The following ANK2 variants were observed in gnomAD, a reference collection of about 807,000 sequenced individuals.
ANK2 encodes the protein ankyrin 2, also known as ankyrin-2.
In ANK2, 83 loss-of-function variants were observed where a neutral mutation model predicts 360.5. That is an observed-to-expected ratio of 0.23 (90% CI 0.19 to 0.28). ANK2 has a LOEUF of 0.28. ANK2 is among the 10% of genes least tolerant of loss of function. ANK2 has a pLI of 1.00. For missense variants in ANK2, 4,201 were observed against 4,795.7 expected, an observed-to-expected ratio of 0.88 and a Z score of 3.66; for synonymous variants, 1,740 against 1,759.5, an observed-to-expected ratio of 0.99 and a Z score of 0.28.
intron 1 of ANK2, among the ~76,000 whole-genome samples, chr4:113,105,368 C>A (rs2093484140): frequency 6.6e-6 from 1 of 152,020 alleles, no homozygotes. Context: ...GACTGTGGAC[C>A]AGGCAAGACC....
At chr4:113,032,033 TAAAG>T (rs1216809358) in intron 2 of ANK2, among the ~76,000 whole-genome samples, 1 of 151,992 alleles carries the variant, frequency 6.6e-6, no homozygotes, top group Non-Finnish European at 1.5e-5. Flanking sequence ...ACTTTAGACA[TAAAG>T]AACTTCTCAA....
intron 35 of ANK2, 159 bp from the exon 36 acceptor site, chr4:113,348,117 C>T: frequency 1.4e-6 from 1 of 711,414 alleles, no homozygotes; most frequent in Non-Finnish European, 2.5e-6. Context: ...TGCCTGTCTT[C>T]TATAAACTGT....
At chr4:113,171,246 T>C (rs2097933542) in intron 1 of ANK2, among the ~76,000 whole-genome samples, 1 of 152,170 alleles carries the variant, frequency 6.6e-6, no homozygotes, top group Non-Finnish European at 1.5e-5. Flanking sequence ...TGAATCCTCT[T>C]TCATCTCTGT....
intron 43 of ANK2, among the ~76,000 whole-genome samples, chr4:113,370,419 A>G (rs1407175134): frequency 6.6e-6 from 1 of 152,104 alleles, no homozygotes; most frequent in East Asian, 1.9e-4. Flanking sequence ...TTCCTTTGTC[A>G]TTAAGTGAGT....
In ANK2 at chr4:112,839,283, G is replaced by A. The variant is rs560077570; in HGVS notation, c.-40+21019G>A. Among the ~76,000 whole-genome samples, 26 of 152,230 alleles carry A rather than the reference G, an allele frequency of 1.7e-4. No homozygotes were observed. In the East Asian group the frequency reaches 4.2e-3, roughly 25 times the overall value. ...GAAAGGTTAAGTGATTTGAAAATGT[G>A]TGCTGAAGATAATATAGTATCAGCA... On this transcript the variant is annotated intron_variant, in intron 1 of 30. Coordinates refer to the ANK2 transcript ENST00000503271.
chr4:113,355,101 G>A lies in ANK2; in HGVS notation c.6483G>A (p.Lys2161=). The A allele has an allele frequency of 6.2e-7, 1 of 1,614,080 alleles. No homozygotes were observed. Among genetic ancestry groups the A allele is most frequent in the Non-Finnish European group, 8.5e-7 (1 of 1,179,980 alleles). The change falls in exon 38 of 46, where the codon AAG becomes AAA. Residue 2161 remains lysine, a synonymous_variant. Transcript: ENST00000357077. The part of the protein sequence containing the change: ...QQFRLSEETE[K]AQLHLDQVLT... The stretch of plus-strand genomic sequence containing the variant: ...TCCGCCTGAGTGAGGAGACAGAAAA[G>A]GCACAGCTTCACTTAGACCAAGTAC...
chr4:113,160,282 CT>C, intron 1 of ANK2: 1 of 391,328 alleles, frequency 2.6e-6, no homozygotes. Context: ...CAAGGCTGGT[CT>C]CAAACTCCTG....
intron 26 of ANK2, among the ~76,000 whole-genome samples, chr4:113,328,886 A>G (rs1409164088): frequency 1.3e-5 from 2 of 152,254 alleles, no homozygotes; most frequent in Non-Finnish European, 2.9e-5. Flanking sequence ...TAAAAATAAC[A>G]TAAATGTTTT....
At chr4:112,977,424 G>A (rs1018050471) in intron 2 of ANK2, among the ~76,000 whole-genome samples, 6 of 151,898 alleles carry the variant, frequency 4.0e-5, no homozygotes, top group African/African-American at 1.5e-4. Flanking sequence ...AAATTGAAAC[G>A]TGAATTTGAA....
At position 113,358,173 on chromosome 4, in the gene ANK2, C is replaced by A. The variant is rs371509239; in HGVS notation, c.9555C>A (p.Asp3185Glu). ...ATGAGGCAGACTTACTTCCAGATGACGTGAGTGAGGAAGTAGAGGAAATAC... is the reference window on the plus strand; with the variant it reads ...ATGAGGCAGACTTACTTCCAGATGAAGTGAGTGAGGAAGTAGAGGAAATAC... ...VDDEADLLPD[D>E]VSEEVEEIPA... Residue 3185 changes from aspartate (D) to glutamate (E), a missense_variant, in exon 38 of 46, where the codon GAC (aspartate) becomes GAA (glutamate). Around this residue, in one of 4 missense-constraint regions of ANK2, gnomAD observed 2,642 missense variants for 2,714.5 expected, o/e 0.97. Transcript: ENST00000357077. 1 of 1,614,020 alleles carries A rather than the reference C, an allele frequency of 6.2e-7. No homozygotes were observed. The highest frequency in any genetic ancestry group is 1.7e-5 in the Admixed American group (1 of 60,006).
chr4:113,291,542 G>C (rs752419000), intron 20 of ANK2, among the ~76,000 whole-genome samples: 2 of 152,180 alleles, frequency 1.3e-5, no homozygotes, highest in Admixed American at 1.3e-4. Flanking sequence ...AAATCATGTA[G>C]CACCCACATC....
intron 22 of ANK2, among the ~76,000 whole-genome samples, chr4:113,297,222 G>A (rs1190061497): frequency 6.6e-6 from 1 of 152,084 alleles, no homozygotes; most frequent in Non-Finnish European, 1.5e-5. Context: ...AAGTGGATTT[G>A]GAATGTCCCC....
In ANK2 at chr4:113,355,814, C is replaced by T. The variant is rs1483218772; in HGVS notation, c.7196C>T (p.Pro2399Leu). 2.5e-6 allele frequency: 4 copies of T among 1,613,974 alleles called. No individual in the cohort carries two copies. The African/African-American group carries it at 4.0e-5, about 16-fold the overall frequency. The change falls in exon 38 of 46, where the codon CCT (proline) becomes CTT (leucine). Residue 2399 changes from proline (P) to leucine (L), a missense_variant. Physicochemically the swap from Pro to Leu is moderately conservative, Grantham distance 98. Around this residue, in one of 4 missense-constraint regions of ANK2, gnomAD observed 2,642 missense variants for 2,714.5 expected, o/e 0.97. Transcript: ENST00000357077. ...VKTDTGTESKPQGVIRSPQGL... is the reference protein window; with the variant it reads ...VKTDTGTESKLQGVIRSPQGL... ...ACAGATACAGGAACTGAATCAAAAC[C>T]TCAGGGAGTCATTAGAAGTCCCCAA...
intron 2 of ANK2, among the ~76,000 whole-genome samples, chr4:113,027,497 C>T (rs1003692145): frequency 2.6e-5 from 4 of 152,124 alleles, no homozygotes; most frequent in Admixed American, 2.0e-4. Context: ...AGCCCTTCTA[C>T]TGAGTTCAGT....
chr4:112,980,194 G>A (rs1318797534), intron 2 of ANK2: 3 of 152,434 alleles, frequency 2.0e-5, no homozygotes, highest in Admixed American at 2.0e-4. Flanking sequence ...CCCCCAGCAC[G>A]TGCACACCCT....
intron 2 of ANK2, among the ~76,000 whole-genome samples, chr4:112,966,764 G>A (rs2037442791): frequency 6.6e-6 from 1 of 152,082 alleles, no homozygotes; most frequent in South Asian, 2.1e-4. Context: ...TTAGGAAGTT[G>A]TTTTAAATGT....
intron 31 of ANK2, among the ~76,000 whole-genome samples, chr4:113,338,641 C>G (rs947331591): frequency 6.7e-6 from 1 of 149,828 alleles, no homozygotes; most frequent in Non-Finnish European, 1.5e-5. Flanking sequence ...GCTCCACCTC[C>G]TGGGTTCACG....
chr4:113,274,370 A>G (rs909930021), intron 14 of ANK2, 82 bp from the exon 15 acceptor site: 57 of 1,435,598 alleles, frequency 4.0e-5, no homozygotes, highest in Non-Finnish European at 5.1e-5. Context: ...CCAAGAAGAC[A>G]TCATGAAATA....
intron 1 of ANK2, among the ~76,000 whole-genome samples, chr4:113,141,596 G>C (rs1318352703): frequency 1.3e-5 from 2 of 152,136 alleles, no homozygotes. Flanking sequence ...CAAAACCTGG[G>C]ATTAGTAAAT....
Sources: gnomAD v4.1 joint callset for allele counts (sites outside exome capture counted in the v4.1 genomes callset) on GRCh38, gnomAD v4.1.1 for gene constraint, gnomAD v4.1.1 regional missense constraint, MANE v1.5 for transcripts, NCBI Gene and HGNC (gene_info 2026-07-23, HGNC 2026-07-21) for gene names.